Variants in DPH6 observed in about 807,000 individuals in gnomAD.
The protein encoded by DPH6 is diphthine--ammonia ligase.
Under a neutral mutation model 38.2 loss-of-function variants are expected in DPH6, and 33 were observed. The ratio of observed to expected loss-of-function variants is 0.86; its 90% CI spans 0.65 to 1.15. The LOEUF (loss-of-function observed/expected upper bound fraction) is 1.15. DPH6 is among the 50% of genes most tolerant of loss of function. The pLI is 0.00. For missense variants in DPH6, 325 were observed against 320.0 expected (o/e 1.02, Z -0.12); for synonymous variants, 108 against 103.0 (o/e 1.05, Z -0.30).
intron 5 of DPH6, among the ~76,000 whole-genome samples, chr15:35,432,566 T>A (rs1354086469): frequency 1.3e-5 from 2 of 152,080 alleles, no homozygotes; most frequent in Admixed American, 6.6e-5. Flanking sequence ...AACAGAATTA[T>A]CAACAACAAA....
At chr15:35,304,551 C>T (rs543219208) in intron 3 of DPH6, among the ~76,000 whole-genome samples, 1 of 152,142 alleles carries the variant, frequency 6.6e-6, no homozygotes, top group East Asian at 1.9e-4. Flanking sequence ...AAAGCCTTTG[C>T]CTTGGTAAAA....
chr15:35,496,563 AAAAAATAT>A (rs1419346779), intron 3 of DPH6, among the ~76,000 whole-genome samples: 2 of 16,014 alleles, frequency 1.2e-4, no homozygotes, highest in Non-Finnish European at 1.3e-4. Flanking sequence ...CTCAAAAAAA[AAAAAATAT>A]ATATATATAT....
At chr15:35,513,225 A>AT (rs2054799404) in intron 3 of DPH6, among the ~76,000 whole-genome samples, 2 of 152,234 alleles carry the variant, frequency 1.3e-5, no homozygotes, top group African/African-American at 4.8e-5. Context: ...CAACATCTTC[A>AT]TATTTTTATA....
At chr15:35,452,999 T>C (rs1483749624) in intron 4 of DPH6, among the ~76,000 whole-genome samples, 1 of 152,118 alleles carries the variant, frequency 6.6e-6, no homozygotes, top group Non-Finnish European at 1.5e-5. Context: ...TTTAAAAAGG[T>C]AGAGAGGCTG....
intron 3 of DPH6, among the ~76,000 whole-genome samples, chr15:35,476,737 C>CA (rs1368077621): frequency 9.9e-5 from 15 of 151,690 alleles, no homozygotes; most frequent in Non-Finnish European, 2.1e-4. Flanking sequence ...AGGTGCAAGA[C>CA]AAAGTGACTT....
intron 5 of DPH6, among the ~76,000 whole-genome samples, chr15:35,440,628 T>G (rs565416330): frequency 6.6e-6 from 1 of 152,256 alleles, no homozygotes; most frequent in East Asian, 1.9e-4. Flanking sequence ...ATGTCCTTCT[T>G]TAGAAGGGGG....
chr15:35,227,174 C>CTTTTT (rs71415001), intron 3 of DPH6, among the ~76,000 whole-genome samples: 14 of 77,036 alleles, frequency 1.8e-4, no homozygotes, highest in African/African-American at 3.0e-4. Context: ...ATAACATCTT[C>CTTTTT]TTTTTTTTTT....
chr15:35,251,393 C>G (rs2051672616), intron 3 of DPH6, among the ~76,000 whole-genome samples: 1 of 152,162 alleles, frequency 6.6e-6, no homozygotes, highest in South Asian at 2.1e-4. Context: ...TGTTTTCCTG[C>G]TTCCTTTTCT....
At chr15:35,206,018 A>C in the DPH6 span, among the ~76,000 whole-genome samples, 1 of 152,204 alleles carries the variant, frequency 6.6e-6, no homozygotes, top group Non-Finnish European at 1.5e-5. Flanking sequence ...GCCAGACTTC[A>C]GTAACAGATT....
At chr15:35,185,170 T>A in the DPH6 span, among the ~76,000 whole-genome samples, 2 of 152,162 alleles carry the variant, frequency 1.3e-5, no homozygotes, top group African/African-American at 2.4e-5. Flanking sequence ...GGACAACCAC[T>A]GACATTATAT....
chr15:35,302,247 A>C (rs1050560106), intron 3 of DPH6, among the ~76,000 whole-genome samples: 7 of 152,128 alleles, frequency 4.6e-5, no homozygotes, highest in Admixed American at 3.3e-4. Context: ...ACTATGCTGT[A>C]TTTTCTGTAT....
chr15:35,317,927 A>G (rs1285808968), intron 3 of DPH6, among the ~76,000 whole-genome samples: 1 of 152,100 alleles, frequency 6.6e-6, no homozygotes, highest in African/African-American at 2.4e-5. Flanking sequence ...ATGTATAATT[A>G]ATAAACCAAT....
chr15:35,219,587 T>A (rs1306572429), exon 4 of DPH6: 1 of 152,230 alleles, frequency 6.6e-6, no homozygotes, highest in Non-Finnish European at 1.5e-5. Context: ...GCAAACGTTC[T>A]GTGTATTTAG....
chr15:35,377,066 T>C (rs918789932), intron 7 of DPH6, among the ~76,000 whole-genome samples: 6 of 152,118 alleles, frequency 3.9e-5, no homozygotes, highest in Admixed American at 2.6e-4. Flanking sequence ...GATTAGTAGG[T>C]CTGAAAATTT....
intron 7 of DPH6, among the ~76,000 whole-genome samples, chr15:35,376,321 C>G (rs1206946791): frequency 1.3e-5 from 2 of 152,034 alleles, no homozygotes; most frequent in Non-Finnish European, 2.9e-5. Context: ...ATTAGTGAAA[C>G]TATTAGAAAC....
At chr15:35,543,181 T>TA (rs1423225744) in intron 1 of DPH6, among the ~76,000 whole-genome samples, 1 of 145,078 alleles carries the variant, frequency 6.9e-6, no homozygotes, top group Non-Finnish European at 1.5e-5. Flanking sequence ...GATGCTGACT[T>TA]ACACTGATGA....
At chr15:35,187,434 T>C in the DPH6 span, among the ~76,000 whole-genome samples, 1 of 152,212 alleles carries the variant, frequency 6.6e-6, no homozygotes, top group African/African-American at 2.4e-5. Flanking sequence ...ATATAACTAC[T>C]CAAAATGAAC....
intron 3 of DPH6, among the ~76,000 whole-genome samples, chr15:35,349,687 G>A (rs538740888): frequency 3.0e-4 from 45 of 152,180 alleles, no homozygotes; most frequent in African/African-American, 9.4e-4. Context: ...TGCCCACCTC[G>A]GGCTCCCAAA....
At chr15:35,505,399 A>G (rs1388734300) in intron 3 of DPH6, among the ~76,000 whole-genome samples, 1 of 152,156 alleles carries the variant, frequency 6.6e-6, no homozygotes, top group Non-Finnish European at 1.5e-5. Context: ...GCAAAGCAGC[A>G]CAGAAGAGAG....
Sources: allele counts gnomAD v4.1 joint callset (sites outside exome capture counted in the v4.1 genomes callset), GRCh38; gene constraint gnomAD v4.1.1; transcripts MANE v1.5; gene names NCBI Gene and HGNC (gene_info 2026-07-23, HGNC 2026-07-21).